The following PCDHGA7 variants were observed in gnomAD, a reference collection of about 807,000 sequenced individuals.
PCDHGA7 encodes the protein protocadherin gamma subfamily A, 7.
In PCDHGA7, 44 loss-of-function variants were observed where a neutral mutation model predicts 58.3. That is an observed-to-expected ratio of 0.75 (90% CI 0.59 to 0.97). PCDHGA7 has a LOEUF of 0.97. PCDHGA7 is among the 50% of genes least tolerant of loss of function. The probability of loss-of-function intolerance (pLI) is 0.00; values close to 1 mark genes in which losing one functional copy is unlikely to be tolerated. For synonymous variants in PCDHGA7, 516 were observed against 504.2 expected, an observed-to-expected ratio of 1.02 and a Z score of -0.31; for missense variants, 1,266 against 1,188.7, an observed-to-expected ratio of 1.06 and a Z score of -0.96.
intron 1 of PCDHGA7, among the ~76,000 whole-genome samples, chr5:141,433,395 CTATCTA>C (rs1561869588): frequency 2.0e-5 from 3 of 150,654 alleles, no homozygotes; most frequent in African/African-American, 7.3e-5. Flanking sequence ...ATCTATCTAT[CTATCTA>C]TCTATTACTT....
rs2099883697 is a variant in PCDHGA7, at chr5:141,511,284, G to T, written c.*111G>T. On this transcript the variant is annotated 3_prime_UTR_variant, in exon 4 of 4. Coordinates refer to ENST00000518325, the MANE Select transcript of PCDHGA7 (RefSeq NM_018920.4). ...AGGGCTAACCCCCAGAATACTGGTA[G>T]GGGCCAAGGCCATGCTCCCCTTGGG... 6.5e-7 allele frequency: 1 copy of T among 1,528,258 alleles called. No homozygotes were observed. Among genetic ancestry groups the T allele is most frequent in the African/African-American group, 1.4e-5 (1 of 72,674 alleles). 94.7% of individuals were successfully genotyped at this position (1,528,258 alleles called of 1,614,324 possible). A position where few individuals can be genotyped will look rare whatever the true frequency, so the allele number is the denominator to read the frequency against.
At chr5:141,507,531 C>T (rs1467914007) in intron 3 of PCDHGA7, among the ~76,000 whole-genome samples, 3 of 151,964 alleles carry the variant, frequency 2.0e-5, no homozygotes, top group African/African-American at 7.2e-5. Flanking sequence ...CCAGAGAGGC[C>T]AGAGACTGAG....
At chr5:141,451,113 C>T (rs2098707217) in intron 1 of PCDHGA7, among the ~76,000 whole-genome samples, 1 of 152,152 alleles carries the variant, frequency 6.6e-6, no homozygotes. Context: ...CAGGCGTGAG[C>T]CACCACACCC....
intron 1 of PCDHGA7, among the ~76,000 whole-genome samples, chr5:141,460,251 A>G (rs2098984972): frequency 6.6e-6 from 1 of 152,114 alleles, no homozygotes; most frequent in Admixed American, 6.6e-5. Context: ...TAATTTTGAT[A>G]AAGCCCAATT....
rs750401937 is a variant in PCDHGA7 at position 141,487,357 on chromosome 5, T to G, written c.2425-7450T>G. 5.0e-6 allele frequency: 8 copies of G among 1,614,212 alleles called. No homozygotes were observed. The highest frequency in any genetic ancestry group is 6.8e-6 in the Non-Finnish European group (8 of 1,180,032). ...CCTGTGGAGTCACATGCTTTCCTGC[T>G]GGCACCTGTGCCTGTCTCACCAGAT... On this transcript the variant is annotated intron_variant, in intron 1 of 3. Transcript: ENST00000518325. This position sits in a 1 kb window ranked among gnomAD's most constrained non-coding sequence, Gnocchi z 5.0.
intron 1 of PCDHGA7, among the ~76,000 whole-genome samples, chr5:141,456,621 G>T (rs6885794): frequency 0.55 from 83,339 of 152,038 alleles, 25,195 homozygotes; most frequent in African/African-American, 0.82. Context: ...CTGTAGATTT[G>T]CCTCTTCTTT....
Position 141,511,502 on chromosome 5 carries a change from A to C in PCDHGA7, c.*329A>C. The C allele has an allele frequency of 2.0e-5, 8 of 395,260 alleles. No individual in the cohort carries two copies. The highest frequency in any genetic ancestry group is 4.1e-5 in the African/African-American group (2 of 48,892). The allele number at this position is 395,260 out of a possible 1,614,324, so 24.5% of individuals were successfully genotyped here. A position where few individuals can be genotyped will look rare whatever the true frequency, so the allele number is the denominator to read the frequency against. ...CTGAACTCCTCCATCTTCCAAATCA[A>C]TCAGGCCCATCCATCCCATGCCTCC... On this transcript the variant is annotated 3_prime_UTR_variant, in exon 4 of 4. Transcript: ENST00000518325.
At chr5:141,420,234 T>G (rs766733064) in intron 1 of PCDHGA7, 1 of 1,600,030 alleles carries the variant, frequency 6.2e-7, no homozygotes, top group Non-Finnish European at 8.5e-7. Flanking sequence ...GCTAGCATTT[T>G]AACTCCCAGC....
chr5:141,474,710 A>T (rs535069070), intron 1 of PCDHGA7, among the ~76,000 whole-genome samples: 31 of 152,330 alleles, frequency 2.0e-4, no homozygotes, highest in African/African-American at 6.3e-4. Context: ...GTTCTATTAT[A>T]CTTCAAAAGG....
chr5:141,509,255 T>A (rs1434555633), intron 3 of PCDHGA7, among the ~76,000 whole-genome samples: 1 of 152,158 alleles, frequency 6.6e-6, no homozygotes, highest in African/African-American at 2.4e-5. Flanking sequence ...CCTCTCCGGC[T>A]TTAGTCACTC....
At chr5:141,414,583 G>A (rs570765907) in intron 1 of PCDHGA7, 1 of 1,613,736 alleles carries the variant, frequency 6.2e-7, no homozygotes, top group Non-Finnish European at 8.5e-7. Context: ...AGAGAACAAC[G>A]CCAGGGGTGC....
intron 1 of PCDHGA7, chr5:141,478,576 G>T (rs543160289): frequency 5.0e-6 from 8 of 1,585,598 alleles, no homozygotes; most frequent in Non-Finnish European, 6.9e-6. Flanking sequence ...GCTTGACCCT[G>T]TTAGTGCTTT....
At chr5:141,509,782 C>A (rs2099878218) in intron 3 of PCDHGA7, among the ~76,000 whole-genome samples, 1 of 152,144 alleles carries the variant, frequency 6.6e-6, no homozygotes, top group Admixed American at 6.5e-5. Context: ...TCCCCGAGAT[C>A]ATCATCTCCT....
In PCDHGA7 at chr5:141,383,053, C is replaced by G; in HGVS notation, c.154C>G (p.Leu52Val). Residue 52 changes from leucine (L) to valine (V), a missense_variant, in exon 1 of 4, where the codon CTG becomes GTG. By Grantham distance (32) the Leu-to-Val change is conservative. Coordinates refer to ENST00000518325, the MANE Select transcript of PCDHGA7 (RefSeq NM_018920.4). ...CTTTGTGGGAGACATCGCCAAGGAC[C>G]TGGGGCTGGAGCCCCGGGAGCTGGC... The part of the protein sequence containing the change: ...GSFVGDIAKD[L>V]GLEPRELAER... 1 of 1,613,896 alleles carries G rather than the reference C, an allele frequency of 6.2e-7. No individual in the cohort carries two copies. Among genetic ancestry groups the G allele is most frequent in the South Asian group, 1.1e-5 (1 of 91,088 alleles).
chr5:141,394,488 G>A (rs753312224), intron 1 of PCDHGA7: 5 of 1,614,196 alleles, frequency 3.1e-6, no homozygotes, highest in South Asian at 2.2e-5. Flanking sequence ...GAATGACAAC[G>A]CGCCCGAGAT....
rs764658508 is a variant in PCDHGA7 at position 141,431,546 on chromosome 5, G to A, written c.2424+46223G>A. 1.2e-6 allele frequency: 2 copies of A among 1,614,000 alleles called. No homozygotes were observed. Among genetic ancestry groups the A allele is most frequent in the Admixed American group, 3.3e-5 (2 of 60,012 alleles). On this transcript the variant is annotated intron_variant, in intron 1 of 3. Coordinates refer to ENST00000518325, the MANE Select transcript of PCDHGA7 (RefSeq NM_018920.4). This position sits in a 1 kb window ranked among gnomAD's most constrained non-coding sequence, Gnocchi z 4.8. The stretch of plus-strand genomic sequence containing the variant: ...TCTGGCCTTGGGCACGCAGCTGCTT[G>A]TAGTCAACGCTACCGACCCTGACGA...
chr5:141,495,430 C>T (rs1189953474), intron 2 of PCDHGA7, among the ~76,000 whole-genome samples: 3 of 152,220 alleles, frequency 2.0e-5, no homozygotes, highest in Admixed American at 2.0e-4. Context: ...TCCCACTGTC[C>T]TCTGCCCCTA....
chr5:141,490,345 G>GT lies in PCDHGA7; in HGVS notation c.2425-4461dup, dbSNP rs1363310763. The GT allele has an allele frequency of 6.2e-7, 1 of 1,614,216 alleles. No individual in the cohort carries two copies. The highest frequency in any genetic ancestry group is 2.2e-5 in the East Asian group (1 of 44,886). ...AGAGAGCACACCAGTGGGCACAGTAGTGGGGTTGTTTAATGTGCGAGACCG... is the reference window on the plus strand; with the variant it reads ...AGAGAGCACACCAGTGGGCACAGTAGTTGGGGTTGTTTAATGTGCGAGACCG... On this transcript the variant is annotated intron_variant, in intron 1 of 3. Transcript: ENST00000518325. This position sits in a 1 kb window ranked among gnomAD's most constrained non-coding sequence, Gnocchi z 5.4.
intron 1 of PCDHGA7, chr5:141,388,395 C>A (rs1445370262): frequency 2.5e-6 from 4 of 1,613,810 alleles, no homozygotes; most frequent in African/African-American, 2.7e-5. Flanking sequence ...GCAGAATTAC[C>A]AACTCAGTCC....
Sources: allele counts gnomAD v4.1 joint callset (sites outside exome capture counted in the v4.1 genomes callset), GRCh38; gene constraint gnomAD v4.1.1; non-coding constraint Gnocchi (gnomAD v3.1); transcripts MANE v1.5; gene names NCBI Gene and HGNC (gene_info 2026-07-23, HGNC 2026-07-21).